DCAF7: variants seen among roughly 807,000 people sequenced by gnomAD.
DCAF7 encodes DDB1- and CUL4-associated factor 7.
Under a neutral mutation model 41.2 loss-of-function variants are expected in DCAF7, and 4 were observed. The ratio of observed to expected loss-of-function variants is 0.10; its 90% CI spans 0.05 to 0.22. DCAF7 has a LOEUF of 0.22. Ranked by LOEUF, DCAF7 falls within the 10% of genes least tolerant of loss-of-function variation. The pLI is 1.00. For missense variants in DCAF7, 131 were observed against 443.2 expected (o/e 0.30, Z 6.32); for synonymous variants, 143 against 164.2 (o/e 0.87, Z 0.99).
chr17:63,564,465 A>G (rs930591821), intron 1 of DCAF7, among the ~76,000 whole-genome samples: 1 of 152,224 alleles, frequency 6.6e-6, no homozygotes, highest in African/African-American at 2.4e-5. Context: ...TCATTTTATT[A>G]ATAACCGAAC....
intron 1 of DCAF7, among the ~76,000 whole-genome samples, chr17:63,563,674 G>C (rs2033407655): frequency 6.6e-6 from 1 of 152,102 alleles, no homozygotes; most frequent in Admixed American, 6.6e-5. Flanking sequence ...ATTTAGCCTA[G>C]CATGGTGGTG....
chr17:63,588,189 A>ATTTTTTTTTTTTTT (rs377638787), intron 6 of DCAF7, among the ~76,000 whole-genome samples: 1,203 of 120,044 alleles, frequency 0.01, 143 homozygotes, highest in African/African-American at 0.041. Flanking sequence ...ATTTTCTTGG[A>ATTTTTTTTTTTTTT]TTTTTTTTTT....
Position 63,589,427 on chromosome 17 carries a change from T to G in DCAF7, c.*255T>G. ...TCTCTCCTTTCCTCTTCTCCTTTGGTTCCTCAATTAAAAAATGTGTGTATA... is the reference window on the plus strand; with the variant it reads ...TCTCTCCTTTCCTCTTCTCCTTTGGGTCCTCAATTAAAAAATGTGTGTATA... On this transcript the variant is annotated 3_prime_UTR_variant, in exon 7 of 7. Transcript: ENST00000614556. 1 of 529,332 alleles carries G rather than the reference T, an allele frequency of 1.9e-6. No individual in the cohort carries two copies. 32.8% of individuals were successfully genotyped at this position (529,332 alleles called of 1,614,324 possible).
At position 63,550,562 on chromosome 17, in the gene DCAF7, G is replaced by A. The variant is rs1003788878; in HGVS notation, c.-116G>A. 1 of 1,481,250 alleles carries A rather than the reference G, an allele frequency of 6.8e-7. No individual in the cohort carries two copies. 91.8% of individuals were successfully genotyped at this position (1,481,250 alleles called of 1,614,324 possible). On this transcript the variant is annotated 5_prime_UTR_variant, in exon 1 of 7. Transcript: ENST00000614556. The surrounding 1 kb of genome is among the most constrained non-coding windows in gnomAD (Gnocchi z 4.8). Reference sequence around the variant, plus strand: ...TCGCCGCATCCCCGCTTCCGGGTTAGGCCGTTCCTGCCCGCCCCCTCCTCT... The same window carrying A: ...TCGCCGCATCCCCGCTTCCGGGTTAAGCCGTTCCTGCCCGCCCCCTCCTCT...
intron 1 of DCAF7, among the ~76,000 whole-genome samples, chr17:63,555,409 C>T (rs999925771): frequency 8.5e-5 from 13 of 152,190 alleles, no homozygotes; most frequent in Admixed American, 8.5e-4. Context: ...GATGGGTACT[C>T]ACCTCACCAG....
Position 63,587,894 on chromosome 17 carries a change from G to A in DCAF7, c.857-1106G>A, listed in dbSNP as rs149417122. On this transcript the variant is annotated intron_variant, in intron 6 of 6. Transcript: ENST00000614556. ...CCAGCATTTTGGGAGGCCGAGGCAG[G>A]AGAATCGCTTGAACCTGGGAGGCTT... Among the ~76,000 whole-genome samples, 626 of 151,226 alleles carry A rather than the reference G, an allele frequency of 4.1e-3. 2 individuals are homozygous for A. The highest frequency in any genetic ancestry group is 0.013 in the African/African-American group (546 of 41,140).
In DCAF7 at chr17:63,589,298, C is replaced by T. The variant is rs1280843025; in HGVS notation, c.*126C>T. 1.5e-6 allele frequency: 2 copies of T among 1,297,214 alleles called. No individual in the cohort carries two copies. Among genetic ancestry groups the T allele is most frequent in the Non-Finnish European group, 2.2e-6 (2 of 923,418 alleles). 80.4% of individuals were successfully genotyped at this position (1,297,214 alleles called of 1,614,324 possible). ...TTTCATTGCTTTGCACCCACTGTTA[C>T]CAGAAGCTGCTCTAGGAGTTCCTGG... On this transcript the variant is annotated 3_prime_UTR_variant, in exon 7 of 7. Transcript: ENST00000614556.
intron 1 of DCAF7, among the ~76,000 whole-genome samples, chr17:63,560,957 G>T (rs181320945): frequency 6.6e-6 from 1 of 152,316 alleles, no homozygotes; most frequent in African/African-American, 2.4e-5. Context: ...CAGGCTGGGC[G>T]TGATGGCTCA....
chr17:63,565,126 A>AC (rs2033426856), intron 1 of DCAF7, among the ~76,000 whole-genome samples: 1 of 152,148 alleles, frequency 6.6e-6, no homozygotes, highest in African/African-American at 2.4e-5. Flanking sequence ...TGAGAGTGAG[A>AC]CCCCATCTCT....
chr17:63,559,439 G>GTGTGTGTATA lies in DCAF7; in HGVS notation c.138+8625_138+8626insGTGTGTATAT, dbSNP rs1555680864. Reference sequence around the variant, plus strand: ...TATATACGTATATATATATGTGTGTGTATATATATATATATATATTTTTAA... The same window carrying GTGTGTGTATA: ...TATATACGTATATATATATGTGTGTGTGTGTGTATATATATATATATATATATATTTTTAA... On this transcript the variant is annotated intron_variant, in intron 1 of 6. Transcript: ENST00000614556. Among the ~76,000 whole-genome samples, 41 of 122,178 alleles carry GTGTGTGTATA rather than the reference G, an allele frequency of 3.4e-4. 1 individual carries two copies. Among genetic ancestry groups the GTGTGTGTATA allele is most frequent in the African/African-American group, 1.2e-3 (34 of 28,882 alleles). The allele number at this position is 122,178 out of a possible 152,430, so 80.2% of individuals were successfully genotyped here. A position where few individuals can be genotyped will look rare whatever the true frequency, so the allele number is the denominator to read the frequency against.
At chr17:63,578,398 C>G in intron 1 of DCAF7, 72 bp from the exon 2 acceptor site, 1 of 1,588,662 alleles carries the variant, frequency 6.3e-7, no homozygotes, top group Non-Finnish European at 8.6e-7. Flanking sequence ...ACCTCTGTCA[C>G]TGACCAGGGA....
intron 6 of DCAF7, among the ~76,000 whole-genome samples, chr17:63,585,545 T>G (rs551857460): frequency 6.6e-6 from 1 of 152,332 alleles, no homozygotes; most frequent in Admixed American, 6.5e-5. Context: ...CCATATATGA[T>G]TTACATCATG....
chr17:63,569,510 G>T (rs976771987), intron 1 of DCAF7, among the ~76,000 whole-genome samples: 1 of 152,086 alleles, frequency 6.6e-6, no homozygotes, highest in Non-Finnish European at 1.5e-5. Flanking sequence ...TGATCTCCAG[G>T]CCGTGCACTC....
intron 1 of DCAF7, among the ~76,000 whole-genome samples, chr17:63,555,300 T>C (rs1021216070): frequency 6.6e-6 from 1 of 152,166 alleles, no homozygotes; most frequent in Non-Finnish European, 1.5e-5. Context: ...GAGAGTATTT[T>C]TGAGGTTCTG....
chr17:63,568,971 G>A (rs16946991), intron 1 of DCAF7, among the ~76,000 whole-genome samples: 2,180 of 152,254 alleles, frequency 0.014, 54 homozygotes, highest in African/African-American at 0.05. Context: ...GGAGTGAATC[G>A]GTTAGCTCAG....
At chr17:63,551,176 C>T (rs2033248647) in intron 1 of DCAF7, among the ~76,000 whole-genome samples, 1 of 152,112 alleles carries the variant, frequency 6.6e-6, no homozygotes, top group South Asian at 2.1e-4. Context: ...CGTTGGTGGG[C>T]GGGGAAGGGA....
Position 63,575,310 on chromosome 17 carries a change from G to A in DCAF7, c.139-3160G>A, listed in dbSNP as rs370997452. Among the ~76,000 whole-genome samples the A allele has an allele frequency of 8.5e-5, 13 of 152,308 alleles. No individual in the cohort carries two copies. In the East Asian group the frequency reaches 2.3e-3, roughly 27 times the overall value. ...CATGCCCCTACACTCCAGCTGAGGC[G>A]ACAGAGCGAGACTCAGTCTCAGAAA... On this transcript the variant is annotated intron_variant, in intron 1 of 6. Coordinates refer to ENST00000614556, the MANE Select transcript of DCAF7 (RefSeq NM_005828.5).
chr17:63,588,721 A>C (rs1446776912), intron 6 of DCAF7, among the ~76,000 whole-genome samples: 1 of 152,176 alleles, frequency 6.6e-6, no homozygotes. Flanking sequence ...AGAAGGACTC[A>C]TTAGTGCAGT....
chr17:63,586,147 A>AG (rs2033674945), intron 6 of DCAF7, among the ~76,000 whole-genome samples: 3 of 151,356 alleles, frequency 2.0e-5, no homozygotes, highest in African/African-American at 7.3e-5. Context: ...AAAAAAAAAA[A>AG]AAGTACCCCT....
Sources: allele counts gnomAD v4.1 joint callset (sites outside exome capture counted in the v4.1 genomes callset), GRCh38; gene constraint gnomAD v4.1.1; non-coding constraint Gnocchi (gnomAD v3.1); transcripts MANE v1.5; gene names NCBI Gene and HGNC (gene_info 2026-07-23, HGNC 2026-07-21).